Variants in SLC6A17 observed in about 807,000 individuals in gnomAD.
SLC6A17 encodes the protein solute carrier family 6 member 17.
A neutral mutation model predicts 64.5 loss-of-function variants in SLC6A17; 21 were observed. That is an observed-to-expected ratio of 0.33 (90% CI 0.23 to 0.47). SLC6A17 has a LOEUF of 0.47. SLC6A17 is among the 20% of genes least tolerant of loss of function. The pLI is 1.00. For synonymous variants in SLC6A17, 372 were observed against 399.5 expected (o/e 0.93, Z 0.82); for missense variants, 682 against 963.2 (o/e 0.71, Z 3.86).
At chr1:110,197,290 C>T in intron 10 of SLC6A17, 147 bp from the exon 11 acceptor site, 1 of 1,111,642 alleles carries the variant, frequency 9.0e-7, no homozygotes, top group Non-Finnish European at 1.3e-6. Context: ...AGCCAGACCA[C>T]ACACAATGAG....
intron 2 of SLC6A17, among the ~76,000 whole-genome samples, chr1:110,170,120 C>T (rs1211928511): frequency 6.6e-6 from 1 of 152,156 alleles, no homozygotes; most frequent in Non-Finnish European, 1.5e-5. Context: ...TGCCAACCCA[C>T]TTTGCAGACA....
chr1:110,193,080 G>A (rs1656873676), intron 8 of SLC6A17, among the ~76,000 whole-genome samples: 1 of 152,206 alleles, frequency 6.6e-6, no homozygotes, highest in Non-Finnish European at 1.5e-5. Flanking sequence ...GCCCGTTGCT[G>A]TCTATCTCTT....
In SLC6A17 at chr1:110,198,880, T is replaced by TTTTAATGATAC; in HGVS notation, c.*436_*437insTTTAATGATAC. ...GGGGCTGGGGAAGGAGAGTGGACTT[T>TTTTAATGATAC]GGCTCACTCTGCCATGAGAACAGGA... On this transcript the variant is annotated 3_prime_UTR_variant, in exon 12 of 12. Coordinates refer to ENST00000331565, the MANE Select transcript of SLC6A17 (RefSeq NM_001010898.4). The TTTTAATGATAC allele has an allele frequency of 6.0e-6, 1 of 166,720 alleles. No homozygotes were observed. The highest frequency in any genetic ancestry group is 1.3e-5 in the Non-Finnish European group (1 of 77,168). The allele number at this position is 166,720 out of a possible 1,614,324, so 10.3% of individuals were successfully genotyped here.
At chr1:110,170,855 G>T (rs1369574247) in intron 2 of SLC6A17, among the ~76,000 whole-genome samples, 21 of 152,012 alleles carry the variant, frequency 1.4e-4, no homozygotes, top group Admixed American at 1.3e-3. Context: ...TGGTGTGTGT[G>T]TGTGTGTGTG....
intron 1 of SLC6A17, among the ~76,000 whole-genome samples, chr1:110,164,824 T>A (rs1330152697): frequency 6.6e-6 from 1 of 152,240 alleles, no homozygotes; most frequent in African/African-American, 2.4e-5. Flanking sequence ...CTAGGCTATT[T>A]ATGGAGAAAC....
At chr1:110,170,483 CAAAAT>C (rs1656192006) in intron 2 of SLC6A17, among the ~76,000 whole-genome samples, 1 of 152,148 alleles carries the variant, frequency 6.6e-6, no homozygotes, top group African/African-American at 2.4e-5. Context: ...GACTCCCTCT[CAAAAT>C]AAAAACAAAA....
Position 110,198,132 on chromosome 1 carries a change from C to T in SLC6A17, c.1872C>T (p.Leu624=), listed in dbSNP as rs1657020311. The change falls in exon 12 of 12, where the codon CTC becomes CTT. Residue 624 remains leucine (L), a synonymous_variant. Transcript: ENST00000331565. ...GGGCCATGGCACTCCTGATCACCCT[C>T]ATCGTCGTGGCGACGCTGCCCATCC... The part of the protein sequence containing the change: ...PNWAMALLIT[L]IVVATLPIPV... 3.1e-6 allele frequency: 5 copies of T among 1,613,980 alleles called. No homozygotes were observed. Among genetic ancestry groups the T allele is most frequent in the Admixed American group, 1.7e-5 (1 of 59,998 alleles).
chr1:110,193,969 A>G (rs1258312130), intron 8 of SLC6A17, among the ~76,000 whole-genome samples: 2 of 152,170 alleles, frequency 1.3e-5, no homozygotes, highest in African/African-American at 4.8e-5. Flanking sequence ...TGGTCACCTG[A>G]CCCACAAGCA....
intron 6 of SLC6A17, among the ~76,000 whole-genome samples, chr1:110,185,619 G>A (rs1378528947): frequency 2.0e-5 from 3 of 152,198 alleles, no homozygotes; most frequent in Non-Finnish European, 2.9e-5. Context: ...CCCGAGGAGG[G>A]GGCGAGCCGC....
intron 5 of SLC6A17, among the ~76,000 whole-genome samples, 176 bp downstream of exon 5, chr1:110,175,136 A>C (rs1656340258): frequency 6.6e-6 from 1 of 152,150 alleles, no homozygotes; most frequent in Non-Finnish European, 1.5e-5. Flanking sequence ...TGGACAGCCT[A>C]CCCGGAATGG....
At chr1:110,197,266 C>A (rs1656994004) in intron 10 of SLC6A17, among the ~76,000 whole-genome samples, 171 bp from the exon 11 acceptor site, 1 of 152,148 alleles carries the variant, frequency 6.6e-6, no homozygotes, top group African/African-American at 2.4e-5. Flanking sequence ...GACAGTAGAG[C>A]CTTCCCAGAG....
chr1:110,199,790 CAG>C lies in SLC6A17; in HGVS notation c.*1349_*1350del. ...CCTCCTCTGGAAGAGAACCCATTCTCAGAGTGCAGCCAGGGAGGAACCTGACC... is the reference window on the plus strand; with the variant it reads ...CCTCCTCTGGAAGAGAACCCATTCTCAGTGCAGCCAGGGAGGAACCTGACC... On this transcript the variant is annotated 3_prime_UTR_variant, in exon 12 of 12. Transcript: ENST00000331565. The C allele has an allele frequency of 2.5e-6, 1 of 395,622 alleles. No homozygotes were observed. Among genetic ancestry groups the C allele is most frequent in the South Asian group, 1.4e-4 (1 of 6,990 alleles). The allele number at this position is 395,622 out of a possible 1,614,324, so 24.5% of individuals were successfully genotyped here. A position where few individuals can be genotyped will look rare whatever the true frequency, so the allele number is the denominator to read the frequency against.
chr1:110,172,360 A>G, intron 3 of SLC6A17, 143 bp downstream of exon 3: 6 of 1,095,854 alleles, frequency 5.5e-6, no homozygotes, highest in Non-Finnish European at 7.6e-6. Flanking sequence ...GGAATTACTC[A>G]CAGCTGGGGT....
Position 110,199,845 on chromosome 1 carries a change from A to C in SLC6A17, c.*1401A>C. ...AGAGTAAATGTCTGCAGAGAGATGG[A>C]TGGATGGATGGATAGATGGATGGAT... On this transcript the variant is annotated 3_prime_UTR_variant, in exon 12 of 12. Transcript: ENST00000331565. 1 of 384,096 alleles carries C rather than the reference A, an allele frequency of 2.6e-6. No individual in the cohort carries two copies. Among genetic ancestry groups the C allele is most frequent in the East Asian group, 3.7e-5 (1 of 26,670 alleles). The allele number at this position is 384,096 out of a possible 1,614,324, so 23.8% of individuals were successfully genotyped here. A position where few individuals can be genotyped will look rare whatever the true frequency, so the allele number is the denominator to read the frequency against.
Position 110,198,496 on chromosome 1 carries a change from G to A in SLC6A17, c.*52G>A. ...CCCCCCACGCTCAACCTGCCCACTT[G>A]TCCAGGCCTGGCCTCTTTCTTGAGG... On this transcript the variant is annotated 3_prime_UTR_variant, in exon 12 of 12. Coordinates refer to ENST00000331565, the MANE Select transcript of SLC6A17 (RefSeq NM_001010898.4). 1.9e-6 allele frequency: 3 copies of A among 1,560,476 alleles called. No individual in the cohort carries two copies. Among genetic ancestry groups the A allele is most frequent in the Non-Finnish European group, 1.7e-6 (2 of 1,153,758 alleles).
chr1:110,180,595 A>G (rs1235025617), intron 6 of SLC6A17, among the ~76,000 whole-genome samples: 1 of 152,120 alleles, frequency 6.6e-6, no homozygotes, highest in Non-Finnish European at 1.5e-5. Context: ...TCTCAGAAAC[A>G]ATGGCCTGAC....
chr1:110,169,124 G>T (rs1178222521), intron 2 of SLC6A17, among the ~76,000 whole-genome samples: 2 of 152,144 alleles, frequency 1.3e-5, no homozygotes, highest in Non-Finnish European at 2.9e-5. Context: ...CAGCTGTTTG[G>T]TCTGAGAGTT....
chr1:110,198,624 AGGAGGCTG>A lies in SLC6A17; in HGVS notation c.*185_*192del. ...TAGACTCTGCTCCCTAGCCCTGAGC[AGGAGGCTG>A]GGAGCAGCTCTGTTTCCTAATTCAG... is the stretch of plus-strand genomic sequence containing the variant. On this transcript the variant is annotated 3_prime_UTR_variant, in exon 12 of 12. Transcript: ENST00000331565. The A allele has an allele frequency of 9.1e-7, 1 of 1,101,392 alleles. No individual in the cohort carries two copies. The highest frequency in any genetic ancestry group is 1.7e-5 in the South Asian group (1 of 58,782). 68.2% of individuals were successfully genotyped at this position (1,101,392 alleles called of 1,614,324 possible).
chr1:110,181,009 G>T (rs1357069288), intron 6 of SLC6A17, among the ~76,000 whole-genome samples: 1 of 152,116 alleles, frequency 6.6e-6, no homozygotes, highest in Non-Finnish European at 1.5e-5. Flanking sequence ...CAGTTACCGG[G>T]TATGATGAAT....
Sources: gnomAD v4.1 joint callset for allele counts (sites outside exome capture counted in the v4.1 genomes callset) on GRCh38, gnomAD v4.1.1 for gene constraint, MANE v1.5 for transcripts, NCBI Gene and HGNC (gene_info 2026-07-23, HGNC 2026-07-21) for gene names.